Variants in LDLRAD4 observed in about 807,000 individuals in gnomAD.
LDLRAD4 encodes the protein low density lipoprotein receptor class A domain containing 4, also known as low-density lipoprotein receptor class A domain-containing protein 4.
LDLRAD4 carries 5 observed loss-of-function variants against 17.0 expected under a neutral mutation model. The observed-to-expected ratio is 0.29, with a 90% CI of 0.15 to 0.62. The LOEUF is 0.62. Ranked by LOEUF, LDLRAD4 falls within the 20% of genes least tolerant of loss-of-function variation. LDLRAD4 has a pLI of 0.84. For missense variants in LDLRAD4, 340 were observed against 424.7 expected, an observed-to-expected ratio of 0.80 and a Z score of 1.75; for synonymous variants, 168 against 171.8, an observed-to-expected ratio of 0.98 and a Z score of 0.17.
intron 3 of LDLRAD4, among the ~76,000 whole-genome samples, chr18:13,456,503 C>T (rs1438903326): frequency 1.3e-5 from 2 of 152,152 alleles, no homozygotes; most frequent in African/African-American, 4.8e-5. Context: ...CTGTATTGCC[C>T]CTGGATTCCT....
intron 3 of LDLRAD4, chr18:13,470,681 C>T (rs1246001239): frequency 6.6e-6 from 1 of 151,220 alleles, no homozygotes. Context: ...GGTCATGGCA[C>T]TCCCGCCTTC....
intron 4 of LDLRAD4, among the ~76,000 whole-genome samples, chr18:13,637,703 T>G (rs2042194294): frequency 6.6e-6 from 1 of 151,494 alleles, no homozygotes. Flanking sequence ...CCGTCTCTAC[T>G]AAAAATACAA....
intron 2 of LDLRAD4, among the ~76,000 whole-genome samples, chr18:13,392,456 G>T (rs1440922327): frequency 6.6e-6 from 1 of 152,220 alleles, no homozygotes; most frequent in East Asian, 1.9e-4. Flanking sequence ...GGAAAGATAA[G>T]ACTCTGGCTG....
chr18:13,224,287 A>G (rs1183332646), intron 1 of LDLRAD4, among the ~76,000 whole-genome samples: 2 of 152,098 alleles, frequency 1.3e-5, no homozygotes, highest in Non-Finnish European at 2.9e-5. Flanking sequence ...CCTTAAAACC[A>G]CTTCCATCAG....
rs141907682 is a variant in LDLRAD4, at chr18:13,359,373, C to T, written c.-382-27968C>T. ...TAGCTTGAAATGATCAGTCTGGGGCCTGTGGGTGCAAGGTACAGGGAAGTG... is the reference window on the plus strand; with the variant it reads ...TAGCTTGAAATGATCAGTCTGGGGCTTGTGGGTGCAAGGTACAGGGAAGTG... On this transcript the variant is annotated intron_variant, in intron 1 of 5. Coordinates refer to ENST00000359446, the Ensembl canonical transcript of LDLRAD4. Among the ~76,000 whole-genome samples the T allele has an allele frequency of 2.6e-3, 401 of 152,216 alleles. 3 individuals are homozygous for T. The highest frequency in any genetic ancestry group is 6.4e-3 in the South Asian group (31 of 4,814).
intron 1 of LDLRAD4, among the ~76,000 whole-genome samples, chr18:13,299,577 CT>C (rs2046462992): frequency 6.6e-6 from 1 of 152,196 alleles, no homozygotes; most frequent in South Asian, 2.1e-4. Context: ...GGTGTGGCAA[CT>C]CACACCTGTA....
At chr18:13,589,131 G>T (rs1204945275) in intron 3 of LDLRAD4, among the ~76,000 whole-genome samples, 1 of 151,976 alleles carries the variant, frequency 6.6e-6, no homozygotes, top group Admixed American at 6.6e-5. Flanking sequence ...ATGAGGTTTT[G>T]CTGTGTTGGC....
chr18:13,494,676 A>ATATATATAATATTATT (rs1365539535), intron 3 of LDLRAD4, among the ~76,000 whole-genome samples: 178 of 4,072 alleles, frequency 0.044, 4 homozygotes, highest in East Asian at 0.32. Flanking sequence ...ATTTAATAAT[A>ATATATATAATATTATT]TAATATATTA....
At chr18:13,497,431 G>A (rs1001579124) in intron 3 of LDLRAD4, among the ~76,000 whole-genome samples, 7 of 151,806 alleles carry the variant, frequency 4.6e-5, no homozygotes, top group African/African-American at 1.5e-4. Flanking sequence ...CTCCTGCCTC[G>A]GCCTCCCAAA....
chr18:13,537,411 A>G (rs879835681), intron 3 of LDLRAD4, among the ~76,000 whole-genome samples: 2 of 152,176 alleles, frequency 1.3e-5, no homozygotes, highest in Non-Finnish European at 2.9e-5. Flanking sequence ...GTTCTACCTC[A>G]GATAATCGTC....
intron 1 of LDLRAD4, among the ~76,000 whole-genome samples, chr18:13,383,207 C>T (rs555022685): frequency 1.5e-4 from 23 of 152,358 alleles, no homozygotes; most frequent in African/African-American, 5.3e-4. Context: ...GGAAGCTTCA[C>T]GTAAGTGTCT....
intron 4 of LDLRAD4, among the ~76,000 whole-genome samples, chr18:13,637,887 A>AAAG (rs1555779856): frequency 1.3e-5 from 2 of 151,210 alleles, no homozygotes; most frequent in African/African-American, 4.9e-5. Flanking sequence ...AAAAAAAAAA[A>AAAG]AGAGAGAGAG....
At chr18:13,414,709 T>A (rs2088709277) in intron 2 of LDLRAD4, among the ~76,000 whole-genome samples, 1 of 152,172 alleles carries the variant, frequency 6.6e-6, no homozygotes, top group Non-Finnish European at 1.5e-5. Context: ...GCCCTTGCTG[T>A]CCTCAGCAGG....
chr18:13,233,480 G>A (rs111862992), intron 1 of LDLRAD4, among the ~76,000 whole-genome samples: 6 of 152,228 alleles, frequency 3.9e-5, no homozygotes, highest in South Asian at 2.1e-4. Flanking sequence ...CCTGTTTGTC[G>A]CTGTCTCTGG....
intron 3 of LDLRAD4, among the ~76,000 whole-genome samples, chr18:13,594,405 G>A (rs1274251304): frequency 6.6e-6 from 1 of 152,118 alleles, no homozygotes; most frequent in Non-Finnish European, 1.5e-5. Flanking sequence ...AAATACTAGT[G>A]AGGGGTCGGG....
intron 3 of LDLRAD4, among the ~76,000 whole-genome samples, chr18:13,508,018 A>T (rs1010453086): frequency 2.7e-5 from 4 of 149,348 alleles, no homozygotes; most frequent in African/African-American, 7.8e-5. Flanking sequence ...AGGAAATTAA[A>T]AGTGCTACTC....
At chr18:13,222,764 C>T (rs2041532866) in intron 1 of LDLRAD4, among the ~76,000 whole-genome samples, 1 of 152,216 alleles carries the variant, frequency 6.6e-6, no homozygotes, top group African/African-American at 2.4e-5. Context: ...GCTCCGCCTC[C>T]TCCCCTGCCC....
chr18:13,419,001 CA>C (rs1180482720), intron 2 of LDLRAD4, among the ~76,000 whole-genome samples: 2 of 152,202 alleles, frequency 1.3e-5, no homozygotes, highest in Non-Finnish European at 2.9e-5. Flanking sequence ...GTACTTTTAT[CA>C]CCAATGATGA....
intron 1 of LDLRAD4, among the ~76,000 whole-genome samples, chr18:13,368,888 G>T (rs1189619649): frequency 6.6e-6 from 1 of 152,232 alleles, no homozygotes; most frequent in Admixed American, 6.5e-5. Flanking sequence ...CAGGGCCATG[G>T]GGAAGGTGGC....
Sources: gnomAD v4.1 joint callset for allele counts (sites outside exome capture counted in the v4.1 genomes callset) on GRCh38, gnomAD v4.1.1 for gene constraint, MANE v1.5 for transcripts, NCBI Gene and HGNC (gene_info 2026-07-23, HGNC 2026-07-21) for gene names.